DPP3: variants seen among roughly 807,000 people sequenced by gnomAD.
The protein encoded by DPP3 is dipeptidyl peptidase 3, also known as DPP III.
Under a neutral mutation model 89.8 loss-of-function variants are expected in DPP3, and 64 were observed. The ratio of observed to expected loss-of-function variants is 0.71; its 90% CI spans 0.58 to 0.88. The LOEUF (loss-of-function observed/expected upper bound fraction) is 0.88. Among genes scored for constraint, DPP3 ranks in the 40% least tolerant of loss-of-function variants. The pLI, the probability that DPP3 is intolerant of heterozygous loss-of-function variation, is 0.00. For missense variants in DPP3, 835 were observed against 972.5 expected (o/e 0.86, Z 1.88); for synonymous variants, 377 against 404.3 (o/e 0.93, Z 0.81).
intron 16 of DPP3, among the ~76,000 whole-genome samples, chr11:66,497,762 G>A (rs147510082): frequency 1.6e-3 from 237 of 152,010 alleles, no homozygotes; most frequent in African/African-American, 3.8e-3. Context: ...ATGGTAGTGC[G>A]CACCTGTAGT....
chr11:66,499,541 G>A (rs763483530), intron 16 of DPP3, among the ~76,000 whole-genome samples: 2 of 151,588 alleles, frequency 1.3e-5, no homozygotes, highest in East Asian at 2.0e-4. Flanking sequence ...AGGCCCAGAC[G>A]GGCTGATCAC....
intron 12 of DPP3, among the ~76,000 whole-genome samples, chr11:66,494,858 G>A (rs990321458): frequency 2.0e-5 from 3 of 152,138 alleles, no homozygotes; most frequent in East Asian, 3.9e-4. Flanking sequence ...CAGCTGGGCT[G>A]TCTGGCCTAC....
At chr11:66,490,371 A>G (rs1855346120) in intron 6 of DPP3, among the ~76,000 whole-genome samples, 2 of 152,198 alleles carry the variant, frequency 1.3e-5, no homozygotes, top group South Asian at 2.1e-4. Context: ...GTGGAGGTCC[A>G]GAGTCTAAAA....
At chr11:66,486,394 A>T in intron 3 of DPP3, 146 bp from the exon 4 acceptor site, 1 of 1,021,754 alleles carries the variant, frequency 9.8e-7, no homozygotes, top group Non-Finnish European at 1.3e-6. Context: ...GACATTTCTC[A>T]GGACCTACAA....
chr11:66,503,008 A>C (rs1855718001), intron 16 of DPP3, among the ~76,000 whole-genome samples: 1 of 151,658 alleles, frequency 6.6e-6, no homozygotes, highest in African/African-American at 2.4e-5. Context: ...TCACTTTGTC[A>C]CCCACGCTGG....
chr11:66,483,350 ATC>A (rs1250330331), intron 2 of DPP3, among the ~76,000 whole-genome samples: 1 of 152,146 alleles, frequency 6.6e-6, no homozygotes, highest in Non-Finnish European at 1.5e-5. Context: ...TTTCAATCCC[ATC>A]TGTGTATTAC....
intron 2 of DPP3, among the ~76,000 whole-genome samples, chr11:66,483,585 G>T (rs940743122): frequency 5.3e-5 from 8 of 151,946 alleles, no homozygotes; most frequent in African/African-American, 9.7e-5. Flanking sequence ...TTCATTACTG[G>T]ACATTTAGCT....
chr11:66,482,189 T>G lies in DPP3; in HGVS notation c.-8-4T>G. 1 of 1,613,522 alleles carries G rather than the reference T, an allele frequency of 6.2e-7. No individual in the cohort carries two copies. Among genetic ancestry groups the G allele is most frequent in the South Asian group, 1.1e-5 (1 of 91,020 alleles). ...ACAGCTGTGATGACAGTGATGGTTC[T>G]CAGCAGGGCCCATGGCGGACACCCA... is the stretch of plus-strand genomic sequence containing the variant. On this transcript the variant is annotated splice_region_variant and splice_polypyrimidine_tract_variant and intron_variant, in intron 1 of 17. Coordinates refer to ENST00000531863, the MANE Select transcript of DPP3 (RefSeq NM_130443.4).
rs2305535 is a variant in DPP3 at position 66,504,766 on chromosome 11, G to T, written c.2033G>T (p.Arg678Leu). The T allele has an allele frequency of 1.2e-6, 2 of 1,609,464 alleles. No individual in the cohort carries two copies. The highest frequency in any genetic ancestry group is 3.4e-5 in the Admixed American group (2 of 59,686). Reference protein sequence around the residue: ...SRKLIVQPNTRLEGSDVQLLE... With the variant: ...SRKLIVQPNTLLEGSDVQLLE... ...AAGCTCATTGTTCAGCCCAACACTC[G>T]CCTTGAAGGTAATGAGGTAATGAGG... The change falls in exon 17 of 18, where the codon CGC becomes CTC. Residue 678 changes from arginine (R) to leucine (L), a missense_variant. Arg to Leu is a moderately radical substitution (Grantham distance 102). Transcript: ENST00000531863.
chr11:66,506,406 C>T lies in DPP3; in HGVS notation c.2041+1632C>T, dbSNP rs371183441. 5.3e-5 allele frequency among the ~76,000 whole-genome samples: 8 copies of T among 151,806 alleles called. No individual in the cohort carries two copies. The East Asian group carries it at 5.8e-4, about 11-fold the overall frequency. ...AGTAGCTGGGATTACAGGCGCGTGC[C>T]GCCATGCCCGGCTAATTTTTGTATT... On this transcript the variant is annotated intron_variant, in intron 17 of 17. Transcript: ENST00000531863.
Position 66,509,397 on chromosome 11 carries a change from C to T in DPP3, c.*146C>T, listed in dbSNP as rs1451760338. 2 of 1,537,480 alleles carry T rather than the reference C, an allele frequency of 1.3e-6. No homozygotes were observed. The highest frequency in any genetic ancestry group is 4.9e-5 in the East Asian group (2 of 40,900). Reference sequence around the variant, plus strand: ...TCAGCTGAGGGTGGTGACACAACCCCTTCCATTTGTCAGCACTTTCCAGCC... The same window carrying T: ...TCAGCTGAGGGTGGTGACACAACCCTTTCCATTTGTCAGCACTTTCCAGCC... On this transcript the variant is annotated 3_prime_UTR_variant, in exon 18 of 18. Transcript: ENST00000531863.
At chr11:66,500,702 T>C (rs1418908728) in intron 16 of DPP3, among the ~76,000 whole-genome samples, 1 of 152,216 alleles carries the variant, frequency 6.6e-6, no homozygotes, top group Non-Finnish European at 1.5e-5. Flanking sequence ...GAATCAGTTC[T>C]GGAAAAACTT....
rs956178288 is a variant in DPP3, at chr11:66,504,461, A to G, written c.1879-151A>G. 13 of 790,500 alleles carry G rather than the reference A, an allele frequency of 1.6e-5. No homozygotes were observed. In the African/African-American group the frequency reaches 2.1e-4, roughly 13 times the overall value. 49.0% of individuals were successfully genotyped at this position (790,500 alleles called of 1,614,324 possible). A position where few individuals can be genotyped will look rare whatever the true frequency, so the allele number is the denominator to read the frequency against. On this transcript the variant is annotated intron_variant, in intron 16 of 17. Transcript: ENST00000531863. ...TTAATGGTTAAGTTGAAACTTAACC[A>G]TAAGTTTCAACACCAGAATTTTGGA...
intron 1 of DPP3, among the ~76,000 whole-genome samples, chr11:66,481,725 GCAGCCTC>G (rs1855088199): frequency 1.3e-5 from 2 of 151,576 alleles, no homozygotes; most frequent in African/African-American, 4.8e-5. Flanking sequence ...TCAGCTCACT[GCAGCCTC>G]CACCTCCTGG....
At chr11:66,509,040 A>G (rs904796503) in intron 17 of DPP3, 39 bp from the exon 18 acceptor site, 2 of 1,607,596 alleles carry the variant, frequency 1.2e-6, no homozygotes, top group East Asian at 2.2e-5. Flanking sequence ...TTCCCTATTC[A>G]GACCTTTCCC....
chr11:66,487,179 G>A (rs904914738), intron 4 of DPP3, 89 bp from the exon 5 acceptor site: 1 of 1,296,616 alleles, frequency 7.7e-7, no homozygotes, highest in Non-Finnish European at 1.1e-6. Flanking sequence ...GCTGAAAGGA[G>A]GGAGGGGCGG....
chr11:66,486,493 C>T (rs757759299), intron 3 of DPP3, 47 bp from the exon 4 acceptor site: 1 of 1,441,540 alleles, frequency 6.9e-7, no homozygotes. Context: ...CTCTGGAAGG[C>T]AGGTTTGGGT....
rs576565446 is a variant in DPP3 at position 66,486,475 on chromosome 11, T to C, written c.361-65T>C. ...CATAGGAGAAGAGCTTGGGAGTGGG[T>C]AGGGAGGCTCTGGAAGGCAGGTTTG... On this transcript the variant is annotated intron_variant, in intron 3 of 17. Transcript: ENST00000531863. The C allele has an allele frequency of 7.9e-5, 113 of 1,429,812 alleles. No homozygotes were observed. In the African/African-American group the frequency reaches 1.4e-3, roughly 17 times the overall value. 88.6% of individuals were successfully genotyped at this position (1,429,812 alleles called of 1,614,324 possible).
Position 66,486,592 on chromosome 11 carries a change from A to C in DPP3, c.413A>C (p.Glu138Ala). 1 of 1,584,098 alleles carries C rather than the reference A, an allele frequency of 6.3e-7. No homozygotes were observed. Among genetic ancestry groups the C allele is most frequent in the Non-Finnish European group, 8.6e-7 (1 of 1,164,808 alleles). The change falls in exon 4 of 18, where the codon GAA (glutamate) becomes GCA (alanine). Residue 138 changes from glutamate to alanine, a missense_variant. Physicochemically the swap from Glu to Ala is moderately radical, Grantham distance 107. Coordinates refer to ENST00000531863, the MANE Select transcript of DPP3 (RefSeq NM_130443.4). ...LGSEAAQQHP[E>A]EVRGLWQTCG... is the part of the protein sequence containing the mutation. ...AGTGAGGCTGCTCAGCAGCACCCAG[A>C]AGAAGTCAGGGGCCTCTGGCAGACC...
Sources: gnomAD v4.1 joint callset for allele counts (sites outside exome capture counted in the v4.1 genomes callset) on GRCh38, gnomAD v4.1.1 for gene constraint, MANE v1.5 for transcripts, NCBI Gene and HGNC (gene_info 2026-07-23, HGNC 2026-07-21) for gene names.